XKR6: variants seen among roughly 807,000 people sequenced by gnomAD.
XKR6 encodes XK-related protein 6.
A neutral mutation model predicts 56.7 loss-of-function variants in XKR6; 22 were observed. The observed-to-expected ratio is 0.39, with a 90% CI of 0.28 to 0.55. The LOEUF (loss-of-function observed/expected upper bound fraction) is 0.55. Ranked by LOEUF, XKR6 falls within the 20% of genes least tolerant of loss-of-function variation. The pLI is 0.66. For synonymous variants in XKR6, 524 were observed against 387.8 expected (o/e 1.35, Z -4.13); for missense variants, 852 against 889.0 (o/e 0.96, Z 0.53).
intron 1 of XKR6, among the ~76,000 whole-genome samples, chr8:11,071,789 G>A (rs1271504682): frequency 6.6e-6 from 1 of 152,158 alleles, no homozygotes; most frequent in Non-Finnish European, 1.5e-5. Flanking sequence ...ACCCAAGAAG[G>A]TGATTTAAGG....
intron 1 of XKR6, among the ~76,000 whole-genome samples, chr8:10,941,118 T>C (rs1801373995): frequency 6.6e-6 from 1 of 152,106 alleles, no homozygotes; most frequent in African/African-American, 2.4e-5. Context: ...CACTGCCTTA[T>C]GACACGGAGA....
At chr8:11,082,323 C>T (rs1021985058) in intron 1 of XKR6, among the ~76,000 whole-genome samples, 1 of 152,104 alleles carries the variant, frequency 6.6e-6, no homozygotes, top group African/African-American at 2.4e-5. Context: ...CACTTTGCAC[C>T]CCGTTACGAA....
chr8:11,140,935 T>C (rs7845493), intron 1 of XKR6, among the ~76,000 whole-genome samples: 18,579 of 146,200 alleles, frequency 0.13, 1,536 homozygotes, highest in African/African-American at 0.23. Flanking sequence ...AGAAACCTCC[T>C]AGAGAATAAG....
chr8:11,136,267 C>A (rs1800388430), intron 1 of XKR6, among the ~76,000 whole-genome samples: 2 of 152,200 alleles, frequency 1.3e-5, no homozygotes, highest in Non-Finnish European at 2.9e-5. Context: ...GTAATCCCAG[C>A]ACTCTGGGAG....
chr8:11,007,241 C>G (rs968878747), intron 1 of XKR6, among the ~76,000 whole-genome samples: 1 of 152,172 alleles, frequency 6.6e-6, no homozygotes, highest in Non-Finnish European at 1.5e-5. Flanking sequence ...AATGGCTAGA[C>G]CATTCTTGGC....
At chr8:10,984,757 T>TATATATATATATATATA (rs1554519601) in intron 1 of XKR6, among the ~76,000 whole-genome samples, 65 of 139,798 alleles carry the variant, frequency 4.6e-4, no homozygotes, top group Non-Finnish European at 7.1e-4. Context: ...TATATATATA[T>TATATATATATATATATA]TTGAAGAAAT....
rs367990627 is a variant in XKR6, at chr8:11,176,124, T to C, written c.764+24452A>G. On this transcript the variant is annotated intron_variant, in intron 1 of 2. Coordinates refer to ENST00000416569, the MANE Select transcript of XKR6 (RefSeq NM_173683.4). ...GTTTCCAAAATGACATGATCATCAC[T>C]GACCTGTGCTTAGCATCTTTAAAAC... 4.6e-5 allele frequency among the ~76,000 whole-genome samples: 7 copies of C among 152,224 alleles called. No individual in the cohort carries two copies. In the East Asian group the frequency reaches 9.6e-4, roughly 21 times the overall value.
At chr8:10,992,281 TCTCTCTCA>T in intron 1 of XKR6, among the ~76,000 whole-genome samples, 2 of 144,280 alleles carry the variant, frequency 1.4e-5, no homozygotes, top group African/African-American at 5.9e-5. Context: ...TGTCTCTCTC[TCTCTCTCA>T]CACACACACA....
chr8:11,102,566 T>C (rs1798523673), intron 1 of XKR6, among the ~76,000 whole-genome samples: 1 of 152,180 alleles, frequency 6.6e-6, no homozygotes, highest in African/African-American at 2.4e-5. Flanking sequence ...AAATGTGATC[T>C]TTTCAATAAT....
intron 2 of XKR6, among the ~76,000 whole-genome samples, chr8:10,921,052 C>G (rs148854124): frequency 2.8e-3 from 430 of 152,372 alleles, no homozygotes; most frequent in Admixed American, 4.8e-3. Flanking sequence ...AGCTCCTTTT[C>G]CAAGGGGTCT....
rs533093776 is a variant in XKR6 at position 11,083,502 on chromosome 8, A to AC, written c.764+117073dup. Among the ~76,000 whole-genome samples, 368 of 149,572 alleles carry AC rather than the reference A, an allele frequency of 2.5e-3. 2 individuals are homozygous for AC. Among genetic ancestry groups the AC allele is most frequent in the Non-Finnish European group, 3.9e-3 (265 of 67,460 alleles). On this transcript the variant is annotated intron_variant, in intron 1 of 2. Transcript: ENST00000416569. The stretch of plus-strand genomic sequence containing the variant: ...TGGGACCGGATTCTCTTTTTATTAC[A>AC]CCCCCCGTTGAGCTATTCCCCGCTT...
At position 10,898,251 on chromosome 8, in the gene XKR6, G is replaced by A; in HGVS notation, c.1627C>T (p.Pro543Ser). The A allele has an allele frequency of 1.2e-6, 2 of 1,614,174 alleles. No individual in the cohort carries two copies. Among genetic ancestry groups the A allele is most frequent in the Non-Finnish European group, 1.7e-6 (2 of 1,180,036 alleles). ...TGTTGTTCCGTTACGGCTCTGGTGG[G>A]CGTAACCTGGGTCCCCCGGTACCCA... Reference protein sequence around the residue: ...IPGYRGTQVTPTRAVTEQQED... With the variant: ...IPGYRGTQVTSTRAVTEQQED... The change falls in exon 3 of 3, where the codon CCC (proline) becomes TCC (serine). Residue 543 changes from proline to serine, a missense_variant. Pro to Ser is a moderately conservative substitution (Grantham distance 74). This residue lies in a region of XKR6 where 197 missense variants were observed against 190.9 expected (regional missense o/e 1.03). Transcript: ENST00000416569. This position sits in a 1 kb window ranked among gnomAD's most constrained non-coding sequence, Gnocchi z 6.6.
At chr8:11,138,499 T>A (rs1563166358) in intron 1 of XKR6, 1 of 152,232 alleles carries the variant, frequency 6.6e-6, no homozygotes, top group Admixed American at 6.5e-5. Context: ...TCTCAGATGG[T>A]TTGGCTACAT....
intron 1 of XKR6, among the ~76,000 whole-genome samples, chr8:10,965,817 C>G (rs10112255): frequency 6.6e-6 from 1 of 152,308 alleles, no homozygotes; most frequent in Non-Finnish European, 1.5e-5. Context: ...GTTCACACAA[C>G]GGAGAGGAGC....
intron 1 of XKR6, among the ~76,000 whole-genome samples, chr8:10,982,081 GGCTTTAAAGGTA>G (rs1266036809): frequency 1.3e-5 from 2 of 152,168 alleles, no homozygotes; most frequent in African/African-American, 4.8e-5. Context: ...CTAGGGTAAG[GGCTTTAAAGGTA>G]GAAAATGCAA....
chr8:11,023,489 C>G (rs1030780792), intron 1 of XKR6, among the ~76,000 whole-genome samples: 8 of 152,182 alleles, frequency 5.3e-5, no homozygotes, highest in African/African-American at 1.9e-4. Context: ...GTCTCAAACT[C>G]CTGGGCTCAA....
Position 11,190,204 on chromosome 8 carries a change from A to AAAAGAAAGAAAGAAAG in XKR6, c.764+10356_764+10371dup, listed in dbSNP as rs34031400. Among the ~76,000 whole-genome samples the AAAAGAAAGAAAGAAAG allele has an allele frequency of 3.3e-3, 398 of 120,972 alleles. 2 individuals are homozygous for AAAAGAAAGAAAGAAAG. The highest frequency in any genetic ancestry group is 0.014 in the African/African-American group (376 of 27,004). 79.4% of individuals were successfully genotyped at this position (120,972 alleles called of 152,430 possible). ...AAAGAAAAGAAAGAAAGAAAGAAAG[A>AAAAGAAAGAAAGAAAG]AAAGAAAGAAAGAAAGAAAGAGAAA... On this transcript the variant is annotated intron_variant, in intron 1 of 2. Coordinates refer to ENST00000416569, the MANE Select transcript of XKR6 (RefSeq NM_173683.4).
intron 1 of XKR6, among the ~76,000 whole-genome samples, chr8:11,070,377 T>G (rs1260346008): frequency 6.6e-6 from 1 of 152,206 alleles, no homozygotes; most frequent in Admixed American, 6.5e-5. Flanking sequence ...TAAAGGAACA[T>G]TTTTGCTAGA....
At chr8:10,939,500 G>T (rs1022461344) in intron 1 of XKR6, among the ~76,000 whole-genome samples, 8 of 152,222 alleles carry the variant, frequency 5.3e-5, no homozygotes, top group Non-Finnish European at 7.3e-5. Flanking sequence ...CCTGAGAGGG[G>T]TGACCTCACT....
Sources: gnomAD v4.1 joint callset for allele counts (sites outside exome capture counted in the v4.1 genomes callset) on GRCh38, gnomAD v4.1.1 for gene constraint, gnomAD v4.1.1 regional missense constraint, Gnocchi (gnomAD v3.1) non-coding constraint, MANE v1.5 for transcripts, NCBI Gene and HGNC (gene_info 2026-07-23, HGNC 2026-07-21) for gene names.